Variants in CFHR3 observed in about 807,000 individuals in gnomAD.
CFHR3 encodes complement factor H-related protein 3.
Under a neutral mutation model 36.0 loss-of-function variants are expected in CFHR3, and 22 were observed. That is an observed-to-expected ratio of 0.61 (90% CI 0.44 to 0.87). The LOEUF (loss-of-function observed/expected upper bound fraction) is 0.87, where lower values mean the gene tolerates loss of function less well. Among genes scored for constraint, CFHR3 ranks in the 40% least tolerant of loss-of-function variants. CFHR3 has a pLI of 0.00. For missense variants in CFHR3, 276 were observed against 401.3 expected (o/e 0.69, Z 2.67); for synonymous variants, 97 against 137.4 (o/e 0.71, Z 2.06).
At chr1:196,775,982 C>G (rs35703353) in intron 1 of CFHR3, among the ~76,000 whole-genome samples, 2 of 123,260 alleles carry the variant, frequency 1.6e-5, no homozygotes, top group Non-Finnish European at 3.4e-5. Context: ...TTATTTGTTG[C>G]GCAAAATCAA....
chr1:196,794,809 T>C lies in CFHR3; in HGVS notation c.*1296T>C, dbSNP rs380424. On this transcript the variant is annotated 3_prime_UTR_variant, in exon 6 of 6. Transcript: ENST00000367425. ...GTTGCAGGGTAAGAAGAAAACAATG[T>C]TCCCTTTCCCAACACTTTTCCTGAT... 58,014 of 246,308 alleles carry C rather than the reference T, an allele frequency of 0.24. 13,551 individuals are homozygous for C. Among genetic ancestry groups the C allele is most frequent in the East Asian group, 0.49 (4,317 of 8,894 alleles). The allele number at this position is 246,308 out of a possible 1,614,324, so 15.3% of individuals were successfully genotyped here.
chr1:196,789,232 G>T, intron 4 of CFHR3: 1 of 842,642 alleles, frequency 1.2e-6, no homozygotes, highest in Non-Finnish European at 1.4e-6. Context: ...ACTATTTTTA[G>T]TCATGAGATA....
In CFHR3 at chr1:196,782,979, CAAT is replaced by C. The variant is rs888353650; in HGVS notation, c.430+3008_430+3010del. Among the ~76,000 whole-genome samples the C allele has an allele frequency of 2.2e-5, 3 of 136,822 alleles. 1 individual carries two copies. The highest frequency in any genetic ancestry group is 4.6e-5 in the Non-Finnish European group (3 of 64,568). 89.8% of individuals were successfully genotyped at this position (136,822 alleles called of 152,430 possible). ...CTTGTTATTTTGAGATATGTCCCAT[CAAT>C]ATCTAATTTATTGAGAGTTTTTAGC... On this transcript the variant is annotated intron_variant, in intron 3 of 5. Transcript: ENST00000367425.
chr1:196,789,292 A>G (rs1654329487), intron 4 of CFHR3: 1 of 828,620 alleles, frequency 1.2e-6, no homozygotes, highest in Admixed American at 5.8e-5. Context: ...CAAAAATATT[A>G]AGCTAAGAGA....
chr1:196,780,741 T>C (rs1432915402), intron 3 of CFHR3, among the ~76,000 whole-genome samples: 3 of 136,426 alleles, frequency 2.2e-5, no homozygotes, highest in Admixed American at 1.4e-4. Flanking sequence ...AACAAGTTGC[T>C]CATTTTACTA....
chr1:196,791,518 A>C (rs199678733), intron 5 of CFHR3, among the ~76,000 whole-genome samples: 5,122 of 95,456 alleles, frequency 0.054, 354 homozygotes, highest in East Asian at 0.17. Flanking sequence ...TGATACAAGC[A>C]GTTGTTTTCT....
At position 196,782,717 on chromosome 1, in the gene CFHR3, G is replaced by A. The variant is rs901701360; in HGVS notation, c.430+2744G>A. On this transcript the variant is annotated intron_variant, in intron 3 of 5. Transcript: ENST00000367425. ...GGAGATTTTGGGCTGAGACAATGGG[G>A]TTTTCTAGATATACAATCATGTCAC... 1.1e-3 allele frequency among the ~76,000 whole-genome samples: 145 copies of A among 136,960 alleles called. 28 individuals are homozygous for A. The highest frequency in any genetic ancestry group is 2.0e-3 in the Non-Finnish European group (127 of 64,560). 89.9% of individuals were successfully genotyped at this position (136,960 alleles called of 152,430 possible).
At chr1:196,775,957 CAT>C (rs1653701613) in intron 1 of CFHR3, among the ~76,000 whole-genome samples, 1 of 132,246 alleles carries the variant, frequency 7.6e-6, no homozygotes, top group Admixed American at 7.4e-5. Flanking sequence ...TTATCTATCA[CAT>C]GATTTGCTAG....
At chr1:196,788,878 G>A in intron 4 of CFHR3, 1 of 1,432,350 alleles carries the variant, frequency 7.0e-7, no homozygotes, top group Non-Finnish European at 9.2e-7. Context: ...ATGCTACTGA[G>A]GATATCCAAT....
Position 196,787,827 on chromosome 1 carries a change from G to C in CFHR3, c.431-389G>C, listed in dbSNP as rs1393128377. On this transcript the variant is annotated intron_variant, in intron 3 of 5. Coordinates refer to ENST00000367425, the MANE Select transcript of CFHR3 (RefSeq NM_021023.6). Reference sequence around the variant, plus strand: ...CAGGGTGTACCGTATCTTTGCCTGGGAAATGGCATTTGACTTAATGAGGTT... The same window carrying C: ...CAGGGTGTACCGTATCTTTGCCTGGCAAATGGCATTTGACTTAATGAGGTT... Among the ~76,000 whole-genome samples the C allele has an allele frequency of 2.9e-5, 4 of 136,632 alleles. No individual in the cohort carries two copies. The East Asian group carries it at 5.9e-4, about 20-fold the overall frequency. The allele number at this position is 136,632 out of a possible 152,430, so 89.6% of individuals were successfully genotyped here. A position where few individuals can be genotyped will look rare whatever the true frequency, so the allele number is the denominator to read the frequency against.
At chr1:196,783,560 A>C (rs1282687407) in intron 3 of CFHR3, among the ~76,000 whole-genome samples, 2 of 130,316 alleles carry the variant, frequency 1.5e-5, no homozygotes, top group Non-Finnish European at 3.2e-5. Flanking sequence ...GAATTTATCC[A>C]TTTCTTCTAG....
chr1:196,787,042 G>C (rs1024444441), intron 3 of CFHR3, among the ~76,000 whole-genome samples: 1 of 137,484 alleles, frequency 7.3e-6, no homozygotes, highest in Non-Finnish European at 1.5e-5. Flanking sequence ...TTTAAGTAAA[G>C]GGGACTCTGA....
rs1338677179 is a variant in CFHR3, at chr1:196,788,906, C to T, written c.613+508C>T. The T allele has an allele frequency of 4.4e-5, 63 of 1,421,588 alleles. 9 individuals are homozygous for T. The highest frequency in any genetic ancestry group is 5.6e-5 in the Non-Finnish European group (60 of 1,080,304). 88.1% of individuals were successfully genotyped at this position (1,421,588 alleles called of 1,614,324 possible). On this transcript the variant is annotated intron_variant, in intron 4 of 5. Coordinates refer to ENST00000367425, the MANE Select transcript of CFHR3 (RefSeq NM_021023.6). ...TATCCAATCAAAAAATTATCTCTAC[C>T]CTATTGTTTACTACAGAGAAAACAA...
intron 3 of CFHR3, among the ~76,000 whole-genome samples, chr1:196,782,120 C>T (rs199752589): frequency 0.28 from 38,132 of 135,152 alleles, 10,818 homozygotes; most frequent in East Asian, 0.51. Flanking sequence ...TGTAGATATG[C>T]AGCGTTATTT....
intron 5 of CFHR3, among the ~76,000 whole-genome samples, chr1:196,791,927 G>A (rs1291219643): frequency 7.4e-6 from 1 of 135,442 alleles, no homozygotes; most frequent in African/African-American, 3.1e-5. Context: ...GAAGATATAA[G>A]ATCAGTTCTA....
In CFHR3 at chr1:196,779,245, G is replaced by A. The variant is rs1653848991; in HGVS notation, c.142G>A (p.Gly48Arg). 6.5e-7 allele frequency: 1 copy of A among 1,527,286 alleles called. No homozygotes were observed. Among genetic ancestry groups the A allele is most frequent in the Admixed American group, 1.7e-5 (1 of 58,188 alleles). The allele number at this position is 1,527,286 out of a possible 1,614,324, so 94.6% of individuals were successfully genotyped here. The change falls in exon 2 of 6, where the codon GGA (glycine) becomes AGA (arginine). Residue 48 changes from glycine to arginine, a missense_variant. Transcript: ENST00000367425. ...TAGACCATACTTTCCAGTAGCTGTA[G>A]GAAAATATTACTCCTATTACTGTGA... Reference protein sequence around the residue: ...MRRPYFPVAVGKYYSYYCDEH... With the variant: ...MRRPYFPVAVRKYYSYYCDEH...
chr1:196,793,018 T>A (rs1450242872), intron 5 of CFHR3, among the ~76,000 whole-genome samples: 1 of 135,156 alleles, frequency 7.4e-6, no homozygotes, highest in East Asian at 2.0e-4. Context: ...CTTTTTGATA[T>A]GAAGTCACTA....
Position 196,787,230 on chromosome 1 carries a change from A to G in CFHR3, c.431-986A>G, listed in dbSNP as rs1247054431. Among the ~76,000 whole-genome samples, 16 of 137,222 alleles carry G rather than the reference A, an allele frequency of 1.2e-4. 2 individuals carry two copies. Among genetic ancestry groups the G allele is most frequent in the Admixed American group, 1.1e-3 (16 of 14,252 alleles). 90.0% of individuals were successfully genotyped at this position (137,222 alleles called of 152,430 possible). On this transcript the variant is annotated intron_variant, in intron 3 of 5. Transcript: ENST00000367425. ...AAAAGTCCCTTTTTCTCCTGCCATA[A>G]GCACCAACTCTATCATTAATCCACC...
chr1:196,786,498 C>T (rs1273261334), intron 3 of CFHR3, among the ~76,000 whole-genome samples: 1 of 135,078 alleles, frequency 7.4e-6, no homozygotes, highest in Non-Finnish European at 1.6e-5. Flanking sequence ...CTAAGCAAGC[C>T]TGGGCAATGG....
Sources: gnomAD v4.1 joint callset for allele counts (sites outside exome capture counted in the v4.1 genomes callset) on GRCh38, gnomAD v4.1.1 for gene constraint, MANE v1.5 for transcripts, NCBI Gene and HGNC (gene_info 2026-07-23, HGNC 2026-07-21) for gene names.